The following PKHD1 variants were observed in gnomAD, a reference collection of about 807,000 sequenced individuals.
PKHD1 encodes the protein fibrocystin.
Under a neutral mutation model 412.0 loss-of-function variants are expected in PKHD1, and 291 were observed. The ratio of observed to expected loss-of-function variants is 0.71; its 90% CI spans 0.64 to 0.78. The LOEUF (loss-of-function observed/expected upper bound fraction) is 0.78. PKHD1 is among the 30% of genes least tolerant of loss of function. The pLI, the probability that PKHD1 is intolerant of heterozygous loss-of-function variation, is 0.00. For missense variants in PKHD1, 4,825 were observed against 4,950.7 expected, an observed-to-expected ratio of 0.97 and a Z score of 0.76; for synonymous variants, 1,777 against 1,821.5, an observed-to-expected ratio of 0.98 and a Z score of 0.62.
chr6:51,757,218 A>C (rs1787172532), intron 55 of PKHD1, among the ~76,000 whole-genome samples: 1 of 152,158 alleles, frequency 6.6e-6, no homozygotes, highest in South Asian at 2.1e-4. Context: ...CTCTTCAAAT[A>C]ATAGGTCACT....
chr6:52,069,332 G>T (rs375496498), intron 11 of PKHD1, 125 bp downstream of exon 11: 19 of 785,506 alleles, frequency 2.4e-5, no homozygotes, highest in Non-Finnish European at 4.5e-5. Context: ...ACACCAGGCT[G>T]TCTATGATTG....
chr6:51,744,183 G>A lies in PKHD1; in HGVS notation c.10156+202C>T, dbSNP rs1507911. ...ACATGGACACAGGCAATCTCATAGA[G>A]GGCACAGCAGTAAAGTTGTGAGATC... On this transcript the variant is annotated intron_variant, in intron 60 of 66. Transcript: ENST00000371117. Among the ~76,000 whole-genome samples the A allele has an allele frequency of 0.32, 48,743 of 152,106 alleles. 9,691 individuals carry two copies. Among genetic ancestry groups the A allele is most frequent in the East Asian group, 0.68 (3,500 of 5,174 alleles).
chr6:51,839,317 G>A lies in PKHD1; in HGVS notation c.8108-2848C>T, dbSNP rs140659476. ...ATTTCTGATTTTGTATTTGTAATATGAGAATGGTTAATCTTCCGTGTTTAT... is the reference window on the plus strand; with the variant it reads ...ATTTCTGATTTTGTATTTGTAATATAAGAATGGTTAATCTTCCGTGTTTAT... On this transcript the variant is annotated intron_variant, in intron 50 of 66. Transcript: ENST00000371117. Among the ~76,000 whole-genome samples, 25 of 152,312 alleles carry A rather than the reference G, an allele frequency of 1.6e-4. 2 individuals carry two copies. Among genetic ancestry groups the A allele is most frequent in the African/African-American group, 6.0e-4 (25 of 41,582 alleles).
At chr6:52,056,152 C>T (rs1291107657) in intron 18 of PKHD1, among the ~76,000 whole-genome samples, 2 of 152,098 alleles carry the variant, frequency 1.3e-5, no homozygotes, top group Non-Finnish European at 2.9e-5. Flanking sequence ...TTCTGTGTTC[C>T]CTGGAGCCTT....
intron 36 of PKHD1, among the ~76,000 whole-genome samples, chr6:51,942,244 T>A (rs1003236139): frequency 9.2e-5 from 14 of 151,554 alleles, no homozygotes; most frequent in African/African-American, 3.4e-4. Context: ...TACCCACAGC[T>A]GAAGTGCAGG....
intron 52 of PKHD1, among the ~76,000 whole-genome samples, chr6:51,825,540 G>T (rs763117415): frequency 6.6e-6 from 1 of 152,026 alleles, no homozygotes; most frequent in African/African-American, 2.4e-5. Context: ...CAGCATCAAG[G>T]CCCAGCCATA....
chr6:51,915,813 G>C (rs1032182691), intron 37 of PKHD1, among the ~76,000 whole-genome samples: 6 of 152,034 alleles, frequency 3.9e-5, no homozygotes, highest in African/African-American at 1.4e-4. Flanking sequence ...GAACATGAAA[G>C]ATGCCTCATG....
chr6:52,054,600 G>A (rs1188796047), intron 19 of PKHD1, among the ~76,000 whole-genome samples: 1 of 152,184 alleles, frequency 6.6e-6, no homozygotes. Flanking sequence ...TAAAGGCAAA[G>A]CTGTTGCCAC....
At chr6:51,620,593 T>C (rs1397018179) in intron 66 of PKHD1, among the ~76,000 whole-genome samples, 2 of 152,044 alleles carry the variant, frequency 1.3e-5, no homozygotes, top group Non-Finnish European at 2.9e-5. Context: ...GTATTGAAGA[T>C]CCTTAACTTA....
At chr6:51,651,255 C>A (rs1237054123) in intron 61 of PKHD1, among the ~76,000 whole-genome samples, 1 of 152,176 alleles carries the variant, frequency 6.6e-6, no homozygotes, top group Non-Finnish European at 1.5e-5. Flanking sequence ...GGTAATACCA[C>A]TTTAAGCTCC....
chr6:51,793,141 A>T (rs1425819768), intron 52 of PKHD1, among the ~76,000 whole-genome samples: 2 of 151,728 alleles, frequency 1.3e-5, no homozygotes, highest in African/African-American at 4.9e-5. Flanking sequence ...ACTGGTACAA[A>T]ATGAATGATC....
At chr6:51,923,470 C>T (rs1025442362) in intron 37 of PKHD1, among the ~76,000 whole-genome samples, 1 of 149,122 alleles carries the variant, frequency 6.7e-6, no homozygotes, top group African/African-American at 2.5e-5. Context: ...GTCCATGGCT[C>T]ATAGTTTGCT....
chr6:51,797,284 T>G (rs9370057), intron 52 of PKHD1, among the ~76,000 whole-genome samples: 89,783 of 151,992 alleles, frequency 0.59, 27,183 homozygotes, highest in East Asian at 0.83. Flanking sequence ...CTTTGTTTTT[T>G]GGTGGAGAGG....
At chr6:51,715,548 AAC>A (rs1228024641) in intron 60 of PKHD1, among the ~76,000 whole-genome samples, 1 of 152,184 alleles carries the variant, frequency 6.6e-6, no homozygotes, top group African/African-American at 2.4e-5. Flanking sequence ...AAGACCATGA[AAC>A]ACACACTAGA....
intron 36 of PKHD1, among the ~76,000 whole-genome samples, chr6:51,952,255 T>C (rs1305866881): frequency 6.6e-6 from 1 of 152,140 alleles, no homozygotes; most frequent in Non-Finnish European, 1.5e-5. Context: ...TTGTCTCTGA[T>C]CTCCTGATAC....
rs1328458329 is a variant in PKHD1, at chr6:52,024,726, A to G, written c.5084T>C (p.Val1695Ala). 6.2e-7 allele frequency: 1 copy of G among 1,614,078 alleles called. No individual in the cohort carries two copies. Among genetic ancestry groups the G allele is most frequent in the African/African-American group, 1.3e-5 (1 of 74,926 alleles). The change falls in exon 32 of 67, where the codon GTC becomes GCC. Residue 1695 changes from valine to alanine, a missense_variant. Coordinates refer to ENST00000371117, the MANE Select transcript of PKHD1 (RefSeq NM_138694.4). ...IFIGMSPCVGVSGNHTVLQCV... is the reference protein window; with the variant it reads ...IFIGMSPCVGASGNHTVLQCV... ...CTGAAGAACGGTGTGGTTACCAGAGACACCCACACAGGGTGACATTCCTAT... is the reference window on the plus strand; with the variant it reads ...CTGAAGAACGGTGTGGTTACCAGAGGCACCCACACAGGGTGACATTCCTAT...
intron 23 of PKHD1, 23 bp downstream of exon 23, chr6:52,048,469 T>A: frequency 6.2e-7 from 1 of 1,613,066 alleles, no homozygotes; most frequent in Non-Finnish European, 8.5e-7. Context: ...TGAGAATTGT[T>A]GCAACCCCAA....
intron 52 of PKHD1, among the ~76,000 whole-genome samples, chr6:51,794,190 C>T (rs1161298567): frequency 2.6e-5 from 4 of 151,932 alleles, no homozygotes; most frequent in African/African-American, 9.7e-5. Context: ...GTGTCCGCCA[C>T]CGCGCCTTTT....
chr6:51,895,647 T>C (rs895136394), intron 43 of PKHD1, among the ~76,000 whole-genome samples: 4 of 152,158 alleles, frequency 2.6e-5, no homozygotes, highest in African/African-American at 9.7e-5. Flanking sequence ...ATTAGAACTT[T>C]AAGGTCACCG....
Sources: gnomAD v4.1 joint callset for allele counts (sites outside exome capture counted in the v4.1 genomes callset) on GRCh38, gnomAD v4.1.1 for gene constraint, MANE v1.5 for transcripts, NCBI Gene and HGNC (gene_info 2026-07-23, HGNC 2026-07-21) for gene names.